SLAIN1: variants seen among roughly 807,000 people sequenced by gnomAD.
SLAIN1 encodes SLAIN family member 1, also known as SLAIN motif-containing protein 1.
Under a neutral mutation model 55.4 loss-of-function variants are expected in SLAIN1, and 17 were observed. The observed-to-expected ratio is 0.31, with a 90% CI of 0.21 to 0.46. The LOEUF is 0.46. Ranked by LOEUF, SLAIN1 falls within the 20% of genes least tolerant of loss-of-function variation. The pLI is 1.00. For missense variants in SLAIN1, 682 were observed against 785.1 expected (o/e 0.87, Z 1.57); for synonymous variants, 348 against 337.4 (o/e 1.03, Z -0.35).
At chr13:77,720,319 C>T (rs561689341) in intron 2 of SLAIN1, among the ~76,000 whole-genome samples, 1 of 152,150 alleles carries the variant, frequency 6.6e-6, no homozygotes, top group South Asian at 2.1e-4. Context: ...TCTGTTTGAT[C>T]CTCTGGGAAC....
intron 1 of SLAIN1, among the ~76,000 whole-genome samples, chr13:77,701,026 C>T (rs967036524): frequency 6.6e-6 from 1 of 152,054 alleles, no homozygotes; most frequent in African/African-American, 2.4e-5. Flanking sequence ...TTTTTTAACA[C>T]TTGCCTTTCA....
At chr13:77,757,893 C>T (rs752301234) in intron 5 of SLAIN1, among the ~76,000 whole-genome samples, 17 of 151,956 alleles carry the variant, frequency 1.1e-4, no homozygotes, top group African/African-American at 2.9e-4. Flanking sequence ...TATAAACATG[C>T]GTATGAATGT....
intron 5 of SLAIN1, among the ~76,000 whole-genome samples, chr13:77,756,848 G>A (rs1211140413): frequency 2.0e-5 from 3 of 152,098 alleles, no homozygotes; most frequent in South Asian, 4.1e-4. Context: ...AGTCTGTTGT[G>A]ATAAAAGTGG....
intron 1 of SLAIN1, among the ~76,000 whole-genome samples, chr13:77,713,837 A>C (rs2091177916): frequency 6.6e-6 from 1 of 152,212 alleles, no homozygotes; most frequent in South Asian, 2.1e-4. Context: ...AATACTGTTC[A>C]GCCATAAAAA....
At chr13:77,760,379 T>C (rs1874918578) in intron 5 of SLAIN1, among the ~76,000 whole-genome samples, 1 of 152,222 alleles carries the variant, frequency 6.6e-6, no homozygotes, top group Admixed American at 6.5e-5. Context: ...TTAAGGAATA[T>C]ATCTGTAATA....
intron 4 of SLAIN1, among the ~76,000 whole-genome samples, chr13:77,750,605 G>T (rs1176196189): frequency 6.6e-6 from 1 of 152,070 alleles, no homozygotes; most frequent in Non-Finnish European, 1.5e-5. Context: ...GCTCTGTGAG[G>T]CTGGGAACTT....
intron 1 of SLAIN1, among the ~76,000 whole-genome samples, chr13:77,714,317 TAAG>T (rs1346466585): frequency 1.3e-5 from 2 of 152,100 alleles, no homozygotes; most frequent in African/African-American, 4.8e-5. Flanking sequence ...TTTCTCATCT[TAAG>T]AACACTGAGT....
chr13:77,729,813 G>T (rs907723423), intron 2 of SLAIN1, among the ~76,000 whole-genome samples: 1 of 152,122 alleles, frequency 6.6e-6, no homozygotes, highest in Non-Finnish European at 1.5e-5. Context: ...ATGGCAGCCT[G>T]ACCCAGGGGT....
chr13:77,738,146 A>G (rs775248749), intron 2 of SLAIN1, among the ~76,000 whole-genome samples: 3 of 151,870 alleles, frequency 2.0e-5, no homozygotes, highest in Non-Finnish European at 4.4e-5. Flanking sequence ...ATGACTCTAG[A>G]TGTTGTAAAC....
intron 4 of SLAIN1, among the ~76,000 whole-genome samples, chr13:77,747,744 T>G (rs900008479): frequency 6.6e-5 from 10 of 152,304 alleles, no homozygotes; most frequent in African/African-American, 2.2e-4. Context: ...TCCATTAGCA[T>G]TTGACAGGGT....
intron 1 of SLAIN1, among the ~76,000 whole-genome samples, chr13:77,703,692 G>A (rs1004489834): frequency 5.9e-5 from 9 of 151,834 alleles, no homozygotes; most frequent in African/African-American, 2.2e-4. Context: ...TATTGTAGTG[G>A]CTATCTAGTT....
rs927846775 is a variant in SLAIN1 at position 77,697,779 on chromosome 13, G to A, written c.-135G>A. The A allele has an allele frequency of 1.0e-6, 1 of 959,082 alleles. No homozygotes were observed. The allele number at this position is 959,082 out of a possible 1,614,324, so 59.4% of individuals were successfully genotyped here. On this transcript the variant is annotated 5_prime_UTR_variant, in exon 1 of 7. Coordinates refer to ENST00000418532, the MANE Select transcript of SLAIN1 (RefSeq NM_001242868.2). ...GGGCCCGGTGCTGATGCGAACCGCCGGCTCGGCCTCAGCCCGCGCGTGGTC... is the reference window on the plus strand; with the variant it reads ...GGGCCCGGTGCTGATGCGAACCGCCAGCTCGGCCTCAGCCCGCGCGTGGTC...
At chr13:77,730,577 A>G (rs983456305) in intron 2 of SLAIN1, among the ~76,000 whole-genome samples, 1 of 152,218 alleles carries the variant, frequency 6.6e-6, no homozygotes. Context: ...TCAATTATTT[A>G]TAATATTTGG....
chr13:77,703,353 C>T (rs995324951), intron 1 of SLAIN1, among the ~76,000 whole-genome samples: 1 of 152,124 alleles, frequency 6.6e-6, no homozygotes, highest in South Asian at 2.1e-4. Flanking sequence ...CTGTTGAACA[C>T]CTTGTGCTAT....
rs912702200 is a variant in SLAIN1 at position 77,754,671 on chromosome 13, C to G, written c.1414+1313C>G. Among the ~76,000 whole-genome samples, 12 of 152,226 alleles carry G rather than the reference C, an allele frequency of 7.9e-5. No homozygotes were observed. The East Asian group carries it at 2.3e-3, about 29-fold the overall frequency. On this transcript the variant is annotated intron_variant, in intron 5 of 6. Coordinates refer to ENST00000418532, the MANE Select transcript of SLAIN1 (RefSeq NM_001242868.2). ...AAGTCTTCATTGCTTACTTAATCAC[C>G]CTAACACACTTTCTCAAATACCCCC...
intron 2 of SLAIN1, among the ~76,000 whole-genome samples, chr13:77,726,030 A>G (rs1178725766): frequency 1.3e-5 from 2 of 152,322 alleles, no homozygotes; most frequent in East Asian, 3.9e-4. Context: ...AGCTTTCATG[A>G]TGTATCTGAC....
chr13:77,717,802 C>A (rs942512831), intron 1 of SLAIN1, among the ~76,000 whole-genome samples: 7 of 152,132 alleles, frequency 4.6e-5, no homozygotes, highest in African/African-American at 1.7e-4. Context: ...GATTCTTTGA[C>A]CCTATGCATC....
chr13:77,757,703 A>C (rs1240922119), intron 5 of SLAIN1, among the ~76,000 whole-genome samples: 1 of 152,048 alleles, frequency 6.6e-6, no homozygotes, highest in Non-Finnish European at 1.5e-5. Flanking sequence ...TCCACTCCTG[A>C]GTTATTTCAC....
chr13:77,728,080 T>A (rs1406240827), intron 2 of SLAIN1, among the ~76,000 whole-genome samples: 1 of 152,210 alleles, frequency 6.6e-6, no homozygotes, highest in East Asian at 1.9e-4. Context: ...ATAGAAAATC[T>A]ACAACAATCT....
Sources: gnomAD v4.1 joint callset for allele counts (sites outside exome capture counted in the v4.1 genomes callset) on GRCh38, gnomAD v4.1.1 for gene constraint, MANE v1.5 for transcripts, NCBI Gene and HGNC (gene_info 2026-07-23, HGNC 2026-07-21) for gene names.